Variants in SEC24A observed in about 807,000 individuals in gnomAD.
SEC24A encodes the protein SEC24 homolog A, COPII component.
A neutral mutation model predicts 129.4 loss-of-function variants in SEC24A; 93 were observed. The ratio of observed to expected loss-of-function variants is 0.72; its 90% confidence interval spans 0.61 to 0.85. The LOEUF is 0.85. Ranked by LOEUF, SEC24A falls within the 40% of genes least tolerant of loss-of-function variation. The pLI is 0.00. For missense variants in SEC24A, 1,264 were observed against 1,307.4 expected, an observed-to-expected ratio of 0.97 and a Z score of 0.51; for synonymous variants, 460 against 467.3, an observed-to-expected ratio of 0.98 and a Z score of 0.20.
chr5:134,652,229 CTT>C (rs1188202525), intron 1 of SEC24A, among the ~76,000 whole-genome samples: 2 of 149,138 alleles, frequency 1.3e-5, no homozygotes, highest in Non-Finnish European at 3.0e-5. Context: ...GCCGAAAAGT[CTT>C]AAGTATTTAA....
At chr5:134,667,656 A>T (rs1750710574) in intron 3 of SEC24A, among the ~76,000 whole-genome samples, 1 of 150,676 alleles carries the variant, frequency 6.6e-6, no homozygotes, top group African/African-American at 2.4e-5. Flanking sequence ...TCCGTCTCAA[A>T]AAAAAAAAAA....
In SEC24A at chr5:134,679,718, A is replaced by C. The variant is rs1561813614; in HGVS notation, c.1371A>C (p.Arg457=). 6.3e-7 allele frequency: 1 copy of C among 1,587,456 alleles called. No individual in the cohort carries two copies. Among genetic ancestry groups the C allele is most frequent in the Non-Finnish European group, 8.6e-7 (1 of 1,162,716 alleles). ...GATGGAAGTGTAACTTATGTTATCG[A>C]GTCAATGATGGTATGGGATGCTTTT... ...QRRWKCNLCY[R]VNDVPEEFLY... Residue 457 remains arginine, a synonymous_variant, in exon 8 of 23, where the codon CGA becomes CGC. Transcript: ENST00000398844.
intron 18 of SEC24A, among the ~76,000 whole-genome samples, chr5:134,711,742 GC>G (rs200137645): frequency 0.021 from 3,186 of 150,676 alleles, 120 homozygotes; most frequent in African/African-American, 0.074. Context: ...TGTTGGCCAG[GC>G]TGGTTTTGAA....
At chr5:134,721,180 A>G in intron 21 of SEC24A, 90 bp downstream of exon 21, 1 of 746,198 alleles carries the variant, frequency 1.3e-6, no homozygotes. Context: ...GAAAATAATA[A>G]CAAAATCATA....
intron 2 of SEC24A, among the ~76,000 whole-genome samples, chr5:134,661,824 T>C (rs1463310540): frequency 1.3e-3 from 180 of 143,744 alleles, no homozygotes; most frequent in African/African-American, 4.0e-3. Context: ...TTTTTCTCTT[T>C]TTTTTTTTTT....
chr5:134,688,247 T>C lies in SEC24A; in HGVS notation c.1671T>C (p.Gly557=), dbSNP rs1222499501. Residue 557 remains glycine, a synonymous_variant, in exon 11 of 23, where the codon GGT becomes GGC. Coordinates refer to ENST00000398844, the MANE Select transcript of SEC24A (RefSeq NM_021982.3). ...ITFDSTIHFY[G]LQESLSQPQM... ...TTGACAGTACAATCCATTTCTACGG[T>C]CTTCAGGAAAGTCTCTCTCAACCTC... 1 of 1,613,018 alleles carries C rather than the reference T, an allele frequency of 6.2e-7. No homozygotes were observed. The highest frequency in any genetic ancestry group is 8.5e-7 in the Non-Finnish European group (1 of 1,179,120).
chr5:134,666,077 G>T (rs771449680), intron 2 of SEC24A, among the ~76,000 whole-genome samples: 12 of 151,818 alleles, frequency 7.9e-5, no homozygotes, highest in African/African-American at 2.7e-4. Flanking sequence ...CTGGAGCACC[G>T]GAATTCAAGA....
chr5:134,723,654 A>T lies in SEC24A; in HGVS notation c.3151A>T (p.Ile1051Leu). The T allele has an allele frequency of 6.2e-7, 1 of 1,600,390 alleles. No homozygotes were observed. Among genetic ancestry groups the T allele is most frequent in the Non-Finnish European group, 8.6e-7 (1 of 1,167,812 alleles). ...TAGAGAGCAGAGACCATTTTTCCCA[A>T]TACTTTATGTAATAAGGTAAGTTGA... Reference protein sequence around the residue: ...WLREQRPFFPILYVIRDESPM... With the variant: ...WLREQRPFFPLLYVIRDESPM... The change falls in exon 22 of 23, where the codon ATA (isoleucine) becomes TTA (leucine). Residue 1051 changes from isoleucine to leucine, a missense_variant. Transcript: ENST00000398844.
chr5:134,727,886 A>G lies in SEC24A; in HGVS notation c.*2792A>G, dbSNP rs1752792737. On this transcript the variant is annotated 3_prime_UTR_variant, in exon 23 of 23. Transcript: ENST00000398844. Reference sequence around the variant, plus strand: ...GCTAACTTATCAACTTGGCTATTCAATAAAGTTAATTGAAAAGAGCTTATA... The same window carrying G: ...GCTAACTTATCAACTTGGCTATTCAGTAAAGTTAATTGAAAAGAGCTTATA... 6.6e-6 allele frequency: 1 copy of G among 152,560 alleles called. No individual in the cohort carries two copies. 9.5% of individuals were successfully genotyped at this position (152,560 alleles called of 1,614,324 possible). A position where few individuals can be genotyped will look rare whatever the true frequency, so the allele number is the denominator to read the frequency against.
chr5:134,681,014 G>A (rs866157644), intron 8 of SEC24A, among the ~76,000 whole-genome samples: 12 of 150,388 alleles, frequency 8.0e-5, no homozygotes, highest in Non-Finnish European at 1.3e-4. Flanking sequence ...CAGGAGAATC[G>A]CTTGAACCCA....
At chr5:134,703,024 G>A (rs947480871) in intron 15 of SEC24A, among the ~76,000 whole-genome samples, 11 of 151,972 alleles carry the variant, frequency 7.2e-5, no homozygotes, top group African/African-American at 2.4e-5. Context: ...ACCAGCCTCC[G>A]AAAGTGTTGG....
Position 134,710,380 on chromosome 5 carries a change from C to G in SEC24A, c.2727+1492C>G, listed in dbSNP as rs984732878. Reference sequence around the variant, plus strand: ...CTGAGTAGCTGCGATTATAGGCATGCACCACCACACCCCAGCTAATTTTTG... The same window carrying G: ...CTGAGTAGCTGCGATTATAGGCATGGACCACCACACCCCAGCTAATTTTTG... On this transcript the variant is annotated intron_variant, in intron 18 of 22. Transcript: ENST00000398844. Among the ~76,000 whole-genome samples, 3 of 151,944 alleles carry G rather than the reference C, an allele frequency of 2.0e-5. No homozygotes were observed. The East Asian group carries it at 5.8e-4, about 29-fold the overall frequency.
intron 1 of SEC24A, among the ~76,000 whole-genome samples, chr5:134,650,305 C>T (rs545978987): frequency 1.3e-5 from 2 of 152,246 alleles, no homozygotes; most frequent in African/African-American, 2.4e-5. Flanking sequence ...GTAACATTTA[C>T]ACTGAGGATG....
rs1752134262 is a variant in SEC24A, at chr5:134,705,452, C to G, written c.2551+15C>G. On this transcript the variant is annotated intron_variant, in intron 17 of 22. Transcript: ENST00000398844. ...GGCCAATATGGGTAAGAGTTGTTATCTGTTATAAATATCTTACAAGTAATA... is the reference window on the plus strand; with the variant it reads ...GGCCAATATGGGTAAGAGTTGTTATGTGTTATAAATATCTTACAAGTAATA... The G allele has an allele frequency of 6.7e-7, 1 of 1,495,614 alleles. No homozygotes were observed. The highest frequency in any genetic ancestry group is 9.3e-7 in the Non-Finnish European group (1 of 1,075,242). 92.6% of individuals were successfully genotyped at this position (1,495,614 alleles called of 1,614,324 possible).
rs142476818 is a variant in SEC24A at position 134,710,280 on chromosome 5, C to T, written c.2727+1392C>T. Among the ~76,000 whole-genome samples the T allele has an allele frequency of 6.4e-4, 96 of 150,858 alleles. 1 individual carries two copies. The highest frequency in any genetic ancestry group is 3.5e-3 in the Admixed American group (53 of 15,088). On this transcript the variant is annotated intron_variant, in intron 18 of 22. Coordinates refer to ENST00000398844, the MANE Select transcript of SEC24A (RefSeq NM_021982.3). ...AGGCTGGAGCGCAGTGGCACGATCT[C>T]GGCTCACCACAACCTCCGCCTCCTG... is the stretch of plus-strand genomic sequence containing the variant.
intron 6 of SEC24A, 144 bp downstream of exon 6, chr5:134,675,361 TAC>T: frequency 1.6e-6 from 1 of 626,174 alleles, no homozygotes. Flanking sequence ...TTTACTTGTT[TAC>T]TTAATAGAGA....
At chr5:134,687,921 G>T (rs530568911) in intron 10 of SEC24A, among the ~76,000 whole-genome samples, 2 of 152,182 alleles carry the variant, frequency 1.3e-5, no homozygotes, top group African/African-American at 2.4e-5. Flanking sequence ...GTGATTATAT[G>T]TAGCTTTACA....
Position 134,669,171 on chromosome 5 carries a change from A to T in SEC24A, c.739+2175A>T, listed in dbSNP as rs113962692. ...TTAAATATTTAAATAAGAAAAAAAAATTTTTTTTTTTTGAGAGGGAGTTTC... is the reference window on the plus strand; with the variant it reads ...TTAAATATTTAAATAAGAAAAAAAATTTTTTTTTTTTTGAGAGGGAGTTTC... On this transcript the variant is annotated intron_variant, in intron 3 of 22. Coordinates refer to ENST00000398844, the MANE Select transcript of SEC24A (RefSeq NM_021982.3). Among the ~76,000 whole-genome samples, 870 of 147,608 alleles carry T rather than the reference A, an allele frequency of 5.9e-3. 8 individuals carry two copies. The highest frequency in any genetic ancestry group is 0.02 in the African/African-American group (791 of 40,450).
At chr5:134,657,339 G>T (rs76197982) in intron 1 of SEC24A, among the ~76,000 whole-genome samples, 1,522 of 151,696 alleles carry the variant, frequency 0.01, 24 homozygotes, top group African/African-American at 0.036. Context: ...ATGAGCCACC[G>T]TGCCTGGCCT....
Sources: allele counts gnomAD v4.1 joint callset (sites outside exome capture counted in the v4.1 genomes callset), GRCh38; gene constraint gnomAD v4.1.1; transcripts MANE v1.5; gene names NCBI Gene and HGNC (gene_info 2026-07-23, HGNC 2026-07-21).